The following DAB1 variants were observed in gnomAD, a reference collection of about 807,000 sequenced individuals.
DAB1 encodes the protein disabled homolog 1.
A neutral mutation model predicts 64.6 loss-of-function variants in DAB1; 15 were observed. The observed-to-expected ratio is 0.23, with a 90% confidence interval of 0.16 to 0.36. The LOEUF (loss-of-function observed/expected upper bound fraction) is 0.36, where lower values mean the gene tolerates loss of function less well. DAB1 is among the 10% of genes least tolerant of loss of function. The probability of loss-of-function intolerance (pLI) is 1.00; values close to 1 mark genes in which losing one functional copy is unlikely to be tolerated. For synonymous variants in DAB1, 235 were observed against 251.9 expected (o/e 0.93, Z 0.64); for missense variants, 596 against 706.7 (o/e 0.84, Z 1.78).
intron 5 of DAB1, among the ~76,000 whole-genome samples, chr1:58,049,530 A>G (rs1277274174): frequency 6.6e-6 from 1 of 152,180 alleles, no homozygotes; most frequent in Admixed American, 6.5e-5. Flanking sequence ...AACCAAGTAT[A>G]TGACATAGGT....
chr1:57,027,240 A>T (rs1251427692), intron 9 of DAB1, among the ~76,000 whole-genome samples: 1 of 152,146 alleles, frequency 6.6e-6, no homozygotes, highest in Non-Finnish European at 1.5e-5. Flanking sequence ...GATAAACCAC[A>T]AGAGAAAGGA....
At chr1:57,352,055 A>G (rs1678633469) in intron 1 of DAB1, among the ~76,000 whole-genome samples, 1 of 152,128 alleles carries the variant, frequency 6.6e-6, no homozygotes, top group African/African-American at 2.4e-5. Context: ...AACCCCCAAA[A>G]TGACTGCATT....
At chr1:58,387,626 G>A (rs1027318570) in intron 3 of DAB1, among the ~76,000 whole-genome samples, 4 of 151,992 alleles carry the variant, frequency 2.6e-5, no homozygotes, top group African/African-American at 7.2e-5. Context: ...GTCTGGACAT[G>A]GTGAGGACCC....
At chr1:58,428,778 C>CT (rs1176191785) in intron 3 of DAB1, among the ~76,000 whole-genome samples, 4 of 152,282 alleles carry the variant, frequency 2.6e-5, no homozygotes, top group Admixed American at 2.0e-4. Context: ...TAATACCATC[C>CT]TTTATACTTC....
At chr1:58,333,284 A>G (rs1397650852) in intron 4 of DAB1, among the ~76,000 whole-genome samples, 1 of 152,164 alleles carries the variant, frequency 6.6e-6, no homozygotes, top group Non-Finnish European at 1.5e-5. Context: ...GGGAGGAATC[A>G]CGTGAGAAGA....
chr1:58,346,730 T>C (rs182929278), intron 3 of DAB1, among the ~76,000 whole-genome samples: 155 of 152,294 alleles, frequency 1.0e-3, no homozygotes, highest in Non-Finnish European at 1.7e-3. Context: ...GGACAAGTCA[T>C]GTAACCTCAA....
chr1:57,870,115 A>T (rs1181395043), intron 1 of DAB1, among the ~76,000 whole-genome samples: 1 of 151,980 alleles, frequency 6.6e-6, no homozygotes, highest in Non-Finnish European at 1.5e-5. Flanking sequence ...AATCATACCT[A>T]CCTTGCAGGT....
At chr1:57,337,635 A>T (rs1677188256) in intron 1 of DAB1, among the ~76,000 whole-genome samples, 1 of 152,210 alleles carries the variant, frequency 6.6e-6, no homozygotes. Flanking sequence ...TGATGGCAGA[A>T]TCTGGTTGGT....
intron 4 of DAB1, among the ~76,000 whole-genome samples, chr1:58,184,718 T>C (rs2100210619): frequency 6.6e-6 from 1 of 152,190 alleles, no homozygotes; most frequent in Middle Eastern, 3.4e-3. Flanking sequence ...TCTGGGGAGG[T>C]CCACATTTTC....
At chr1:58,428,667 T>C (rs1644842477) in intron 3 of DAB1, among the ~76,000 whole-genome samples, 1 of 152,204 alleles carries the variant, frequency 6.6e-6, no homozygotes, top group Non-Finnish European at 1.5e-5. Flanking sequence ...TATTAAAATA[T>C]TTATAGTTCA....
At chr1:57,016,210 G>A (rs17114816) in intron 11 of DAB1, among the ~76,000 whole-genome samples, 31,615 of 151,822 alleles carry the variant, frequency 0.21, 4,089 homozygotes, top group East Asian at 0.33. Flanking sequence ...TAATATACAA[G>A]AGCCATGTAA....
chr1:57,667,210 A>G (rs1646458896), intron 6 of DAB1, among the ~76,000 whole-genome samples: 1 of 152,144 alleles, frequency 6.6e-6, no homozygotes, highest in African/African-American at 2.4e-5. Context: ...GATCTTCATT[A>G]TTGGAGGATC....
chr1:57,694,630 T>C (rs1342288634), intron 6 of DAB1, among the ~76,000 whole-genome samples: 1 of 152,180 alleles, frequency 6.6e-6, no homozygotes, highest in African/African-American at 2.4e-5. Flanking sequence ...ATTAGGCTTT[T>C]TCAAACTAAG....
At chr1:57,413,562 A>G (rs1684270518) in intron 1 of DAB1, among the ~76,000 whole-genome samples, 1 of 151,998 alleles carries the variant, frequency 6.6e-6, no homozygotes, top group Admixed American at 6.6e-5. Flanking sequence ...TAACACAGTG[A>G]AACCCCATCT....
Position 58,297,811 on chromosome 1 carries a change from A to G in DAB1, n.309+45541T>C, listed in dbSNP as rs1249056425. ...TCATGAGAAAGACATTTGTAAATAT[A>G]GTAGAAGCAGGTTGAACAAAGTTTT... On this transcript the variant is annotated intron_variant and non_coding_transcript_variant, in intron 4 of 20. Coordinates refer to the DAB1 transcript ENST00000485760. Among the ~76,000 whole-genome samples, 3 of 152,336 alleles carry G rather than the reference A, an allele frequency of 2.0e-5. No individual in the cohort carries two copies. The East Asian group carries it at 5.8e-4, about 29-fold the overall frequency.
chr1:58,377,267 C>G (rs2100543157), intron 3 of DAB1, among the ~76,000 whole-genome samples: 1 of 147,264 alleles, frequency 6.8e-6, no homozygotes, highest in East Asian at 2.0e-4. Context: ...GCAGTTTCTT[C>G]CTAGTCTCGA....
At chr1:57,523,374 AGCTTCTCTCT>A (rs1179330363) in intron 7 of DAB1, among the ~76,000 whole-genome samples, 8 of 152,204 alleles carry the variant, frequency 5.3e-5, no homozygotes, top group Admixed American at 5.2e-4. Flanking sequence ...TTTGTTGATA[AGCTTCTCTCT>A]GCTCCCATCC....
intron 2 of DAB1, among the ~76,000 whole-genome samples, chr1:57,238,860 TACAC>T (rs1281270538): frequency 0.016 from 2,110 of 134,004 alleles, 51 homozygotes; most frequent in African/African-American, 0.053. Flanking sequence ...CACACACACA[TACAC>T]ACACACACAC....
intron 2 of DAB1, among the ~76,000 whole-genome samples, chr1:57,197,078 G>A (rs921948318): frequency 1.3e-5 from 2 of 152,230 alleles, no homozygotes; most frequent in Non-Finnish European, 2.9e-5. Context: ...GCTAACGCCT[G>A]TAATCCCAAC....
Sources: allele counts gnomAD v4.1 joint callset (sites outside exome capture counted in the v4.1 genomes callset), GRCh38; gene constraint gnomAD v4.1.1; transcripts MANE v1.5; gene names NCBI Gene and HGNC (gene_info 2026-07-23, HGNC 2026-07-21).